The following EXOC2 variants were observed in gnomAD, a reference collection of about 807,000 sequenced individuals.
The protein encoded by EXOC2 is SEC5-like 1.
Under a neutral mutation model 131.8 loss-of-function variants are expected in EXOC2, and 70 were observed. The ratio of observed to expected loss-of-function variants is 0.53; its 90% confidence interval spans 0.44 to 0.65. The LOEUF (loss-of-function observed/expected upper bound fraction) is 0.65, where lower values mean the gene tolerates loss of function less well. EXOC2 is among the 30% of genes least tolerant of loss of function. The pLI, the probability that EXOC2 is intolerant of heterozygous loss-of-function variation, is 0.00. For synonymous variants in EXOC2, 411 were observed against 398.4 expected (o/e 1.03, Z -0.38); for missense variants, 923 against 1,108.6 (o/e 0.83, Z 2.38).
intron 6 of EXOC2, among the ~76,000 whole-genome samples, chr6:616,018 C>T (rs1050515668): frequency 6.6e-6 from 1 of 152,176 alleles, no homozygotes; most frequent in Non-Finnish European, 1.5e-5. Flanking sequence ...TTCATCTCCA[C>T]TTTTCACATT....
chr6:596,405 TC>T (rs1466465880), intron 10 of EXOC2, among the ~76,000 whole-genome samples: 5 of 151,844 alleles, frequency 3.3e-5, no homozygotes, highest in African/African-American at 1.2e-4. Flanking sequence ...GATCTTGCTG[TC>T]ACCCAGGCTC....
intron 1 of EXOC2, among the ~76,000 whole-genome samples, chr6:692,744 G>A (rs922092252): frequency 6.6e-6 from 1 of 152,144 alleles, no homozygotes; most frequent in Admixed American, 6.5e-5. Flanking sequence ...GCCCTCTGCA[G>A]CCCACGCCCC....
chr6:508,526 T>C (rs1390083174), intron 23 of EXOC2, among the ~76,000 whole-genome samples: 1 of 152,242 alleles, frequency 6.6e-6, no homozygotes, highest in African/African-American at 2.4e-5. Context: ...GAGTGTCGTA[T>C]AGTTGGAATC....
At chr6:499,753 C>A in intron 23 of EXOC2, 53 bp from the exon 24 acceptor site, 1 of 1,466,332 alleles carries the variant, frequency 6.8e-7, no homozygotes, top group South Asian at 1.1e-5. Flanking sequence ...CACAAGCTCC[C>A]CTCCCCTGCT....
intron 1 of EXOC2, chr6:656,990 G>A (rs1189254899): frequency 6.9e-7 from 1 of 1,451,750 alleles, no homozygotes; most frequent in Admixed American, 2.2e-5. Flanking sequence ...GGGATTCCGC[G>A]TGCCACAAGC....
At chr6:533,632 G>A (rs1766241346) in intron 22 of EXOC2, among the ~76,000 whole-genome samples, 1 of 152,156 alleles carries the variant, frequency 6.6e-6, no homozygotes, top group Non-Finnish European at 1.5e-5. Flanking sequence ...AGCAGAAGAG[G>A]GTAAGGAGGC....
At chr6:572,792 T>G in intron 12 of EXOC2, 148 bp from the exon 13 acceptor site, 1 of 991,328 alleles carries the variant, frequency 1.0e-6, no homozygotes. Flanking sequence ...GCGGCCCACC[T>G]GGCTGACACC....
At chr6:662,312 A>G (rs971191302) in intron 1 of EXOC2, among the ~76,000 whole-genome samples, 5 of 152,364 alleles carry the variant, frequency 3.3e-5, no homozygotes, top group Admixed American at 6.5e-5. Flanking sequence ...GACTTAACAG[A>G]TATATACAAA....
intron 23 of EXOC2, among the ~76,000 whole-genome samples, chr6:516,771 C>T (rs1180621699): frequency 1.3e-5 from 2 of 152,186 alleles, no homozygotes; most frequent in African/African-American, 4.8e-5. Flanking sequence ...GAGAGTCCCT[C>T]CATAATTAGA....
intron 23 of EXOC2, among the ~76,000 whole-genome samples, chr6:512,141 T>C (rs1426007839): frequency 2.0e-5 from 3 of 152,372 alleles, no homozygotes; most frequent in Admixed American, 2.0e-4. Flanking sequence ...CACCAGGCCA[T>C]GGTCCTTGAG....
At chr6:615,172 T>TGG (rs1561927562) in intron 6 of EXOC2, among the ~76,000 whole-genome samples, 20 of 114,922 alleles carry the variant, frequency 1.7e-4, no homozygotes, top group African/African-American at 5.9e-4. Context: ...GAAAAGTATA[T>TGG]GTGGGTGTGG....
chr6:628,125 G>C (rs1044148294), intron 4 of EXOC2, among the ~76,000 whole-genome samples: 1 of 152,114 alleles, frequency 6.6e-6, no homozygotes, highest in East Asian at 1.9e-4. Flanking sequence ...CTGATTCCTC[G>C]CATCGACCCT....
At chr6:630,136 T>TA (rs1420790514) in intron 3 of EXOC2, among the ~76,000 whole-genome samples, 175 bp from the exon 4 acceptor site, 1 of 152,206 alleles carries the variant, frequency 6.6e-6, no homozygotes, top group Admixed American at 6.5e-5. Flanking sequence ...AGTTTAATTA[T>TA]AAGCACTAAA....
intron 13 of EXOC2, among the ~76,000 whole-genome samples, chr6:570,429 G>A (rs970932247): frequency 1.3e-5 from 2 of 152,182 alleles, no homozygotes; most frequent in African/African-American, 2.4e-5. Context: ...CACCGCGCCT[G>A]GCCCTAAAAG....
At chr6:692,350 A>C (rs1196340944) in intron 1 of EXOC2, among the ~76,000 whole-genome samples, 1 of 152,244 alleles carries the variant, frequency 6.6e-6, no homozygotes, top group Non-Finnish European at 1.5e-5. Flanking sequence ...CTTGGGATAC[A>C]GGGTTACGCA....
intron 4 of EXOC2, among the ~76,000 whole-genome samples, chr6:626,284 C>T (rs1275661690): frequency 6.6e-6 from 1 of 152,064 alleles, no homozygotes; most frequent in African/African-American, 2.4e-5. Flanking sequence ...CAAAGACAGC[C>T]AACAAATGCC....
intron 23 of EXOC2, among the ~76,000 whole-genome samples, chr6:528,517 C>T (rs1477756651): frequency 6.6e-6 from 1 of 152,080 alleles, no homozygotes; most frequent in Non-Finnish European, 1.5e-5. Flanking sequence ...AAGAACAGAA[C>T]TAAATAGAGT....
intron 23 of EXOC2, among the ~76,000 whole-genome samples, chr6:529,953 C>T (rs1348200835): frequency 1.3e-5 from 2 of 152,196 alleles, no homozygotes; most frequent in African/African-American, 4.8e-5. Context: ...ATACATTGTT[C>T]GGTAAGAGTT....
chr6:501,051 C>CATATCTATATATATCTAT (rs1447310809), intron 23 of EXOC2, among the ~76,000 whole-genome samples: 2 of 135,380 alleles, frequency 1.5e-5, no homozygotes, highest in Non-Finnish European at 3.1e-5. Flanking sequence ...TATAGATATA[C>CATATCTATATATATCTAT]ATATCTATAT....
Sources: gnomAD v4.1 joint callset for allele counts (sites outside exome capture counted in the v4.1 genomes callset) on GRCh38, gnomAD v4.1.1 for gene constraint, MANE v1.5 for transcripts, NCBI Gene and HGNC (gene_info 2026-07-23, HGNC 2026-07-21) for gene names.